PIBF1: variants seen among roughly 807,000 people sequenced by gnomAD.
PIBF1 encodes the protein progesterone-induced-blocking factor 1.
In PIBF1, 90 loss-of-function variants were observed where a neutral mutation model predicts 112.5. The ratio of observed to expected loss-of-function variants is 0.80; its 90% confidence interval spans 0.67 to 0.95. PIBF1 has a LOEUF of 0.95. Among genes scored for constraint, PIBF1 ranks in the 40% least tolerant of loss-of-function variants. The probability of loss-of-function intolerance (pLI) is 0.00; values close to 1 mark genes in which losing one functional copy is unlikely to be tolerated. For synonymous variants in PIBF1, 301 were observed against 288.6 expected (o/e 1.04, Z -0.44); for missense variants, 915 against 852.3 (o/e 1.07, Z -0.92).
chr13:72,902,502 CT>C (rs1435979661), intron 11 of PIBF1, among the ~76,000 whole-genome samples: 2 of 151,576 alleles, frequency 1.3e-5, no homozygotes, highest in African/African-American at 4.8e-5. Context: ...TGGTATTAAT[CT>C]TTCCTCAGCT....
At chr13:72,786,126 G>A (rs978358107) in intron 2 of PIBF1, among the ~76,000 whole-genome samples, 4 of 152,076 alleles carry the variant, frequency 2.6e-5, no homozygotes, top group Non-Finnish European at 5.9e-5. Flanking sequence ...TAGATGCTTG[G>A]TGTATACTAA....
chr13:72,834,266 G>A (rs1349273811), intron 8 of PIBF1, among the ~76,000 whole-genome samples: 1 of 152,126 alleles, frequency 6.6e-6, no homozygotes, highest in South Asian at 2.1e-4. Context: ...TCTACTGGAT[G>A]TGTAGAAGTT....
At chr13:73,012,558 T>TACAC (rs1433338244) in intron 17 of PIBF1, among the ~76,000 whole-genome samples, 1 of 147,784 alleles carries the variant, frequency 6.8e-6, no homozygotes, top group Non-Finnish European at 1.5e-5. Flanking sequence ...AGACCCTGTC[T>TACAC]ACACACACAC....
chr13:72,881,313 G>C (rs940119956), intron 10 of PIBF1: 4 of 152,226 alleles, frequency 2.6e-5, no homozygotes, highest in Middle Eastern at 3.4e-3. Context: ...CAAAATCAGT[G>C]TACCAAAATC....
chr13:72,990,059 T>C (rs952723018), intron 16 of PIBF1, among the ~76,000 whole-genome samples: 4 of 148,240 alleles, frequency 2.7e-5, no homozygotes, highest in Non-Finnish European at 4.5e-5. Flanking sequence ...ACTAAAAATA[T>C]AAAAATTAGC....
chr13:72,785,978 C>G (rs1053907423), intron 2 of PIBF1, among the ~76,000 whole-genome samples: 1 of 152,118 alleles, frequency 6.6e-6, no homozygotes, highest in South Asian at 2.1e-4. Flanking sequence ...AATTACAGTT[C>G]TAGATGCACA....
At chr13:72,806,507 A>C (rs556679768) in intron 5 of PIBF1, among the ~76,000 whole-genome samples, 1 of 152,092 alleles carries the variant, frequency 6.6e-6, no homozygotes, top group African/African-American at 2.4e-5. Context: ...ATTTCACCTA[A>C]TGCTATCCCT....
chr13:72,836,474 A>G lies in PIBF1; in HGVS notation c.1223+1106A>G, dbSNP rs533340387. Among the ~76,000 whole-genome samples the G allele has an allele frequency of 9.2e-4, 140 of 152,290 alleles. 1 individual carries two copies. Among genetic ancestry groups the G allele is most frequent in the African/African-American group, 3.1e-3 (128 of 41,586 alleles). ...CCACCCCTCAATTCCAGGAAAAAAA[A>G]GCTGCTGTATTATAGTTGCTTATTT... On this transcript the variant is annotated intron_variant, in intron 9 of 17. Coordinates refer to ENST00000326291, the MANE Select transcript of PIBF1 (RefSeq NM_006346.4).
At chr13:72,872,190 C>G (rs1048471370) in intron 10 of PIBF1, among the ~76,000 whole-genome samples, 1 of 152,112 alleles carries the variant, frequency 6.6e-6, no homozygotes, top group Non-Finnish European at 1.5e-5. Context: ...GTGTTTGTTA[C>G]ATAATGTGTT....
intron 13 of PIBF1, among the ~76,000 whole-genome samples, chr13:72,917,979 T>C (rs1467369695): frequency 6.6e-6 from 1 of 152,222 alleles, no homozygotes; most frequent in Non-Finnish European, 1.5e-5. Context: ...ACTGGAACCA[T>C]GCATCCCGTG....
intron 17 of PIBF1, among the ~76,000 whole-genome samples, chr13:73,005,310 A>AT (rs869132959): frequency 2.0e-5 from 3 of 148,286 alleles, no homozygotes; most frequent in East Asian, 2.0e-4. Context: ...AAAAAAAAAA[A>AT]TTTTTTTTTT....
intron 14 of PIBF1, among the ~76,000 whole-genome samples, chr13:72,963,315 C>T (rs991350887): frequency 6.6e-6 from 1 of 152,122 alleles, no homozygotes; most frequent in Non-Finnish European, 1.5e-5. Flanking sequence ...GATTATCAGC[C>T]GGACCCAATG....
chr13:72,825,036 A>C (rs1479487676), intron 6 of PIBF1, among the ~76,000 whole-genome samples: 1 of 152,226 alleles, frequency 6.6e-6, no homozygotes, highest in Non-Finnish European at 1.5e-5. Context: ...CTCTATAAAA[A>C]GTCATAAAAC....
chr13:72,842,100 C>T (rs559470396), intron 9 of PIBF1, among the ~76,000 whole-genome samples: 1 of 152,322 alleles, frequency 6.6e-6, no homozygotes, highest in African/African-American at 2.4e-5. Context: ...AGAGGGTCTA[C>T]ATGCCATTCT....
At chr13:72,962,891 G>C (rs1306347784) in intron 14 of PIBF1, among the ~76,000 whole-genome samples, 2 of 152,182 alleles carry the variant, frequency 1.3e-5, no homozygotes, top group Non-Finnish European at 2.9e-5. Flanking sequence ...TTACTGTAAA[G>C]TTACAGTCAG....
At chr13:72,812,426 A>G (rs1366593975) in intron 5 of PIBF1, among the ~76,000 whole-genome samples, 2 of 152,216 alleles carry the variant, frequency 1.3e-5, no homozygotes, top group East Asian at 1.9e-4. Flanking sequence ...CACAGATCAC[A>G]GTTTAAAAAA....
intron 12 of PIBF1, among the ~76,000 whole-genome samples, chr13:72,913,166 A>T (rs1477171508): frequency 6.6e-6 from 1 of 152,098 alleles, no homozygotes; most frequent in African/African-American, 2.4e-5. Context: ...TTTCCAGGGT[A>T]TTCAGATGTT....
intron 11 of PIBF1, among the ~76,000 whole-genome samples, chr13:72,900,374 A>G (rs1204851415): frequency 1.3e-5 from 2 of 152,216 alleles, no homozygotes; most frequent in Non-Finnish European, 2.9e-5. Context: ...CATAGTCACC[A>G]AAACAGTGTG....
chr13:72,836,104 AAAAAAAG>A (rs756263938), intron 9 of PIBF1: 2 of 454,586 alleles, frequency 4.4e-6, no homozygotes, highest in South Asian at 1.6e-5. Flanking sequence ...ATCTCAAAAA[AAAAAAAG>A]AAAAAAGAAA....
Sources: allele counts gnomAD v4.1 joint callset (sites outside exome capture counted in the v4.1 genomes callset), GRCh38; gene constraint gnomAD v4.1.1; transcripts MANE v1.5; gene names NCBI Gene and HGNC (gene_info 2026-07-23, HGNC 2026-07-21).